The following PITPNC1 variants were observed in gnomAD, a reference collection of about 807,000 sequenced individuals.
PITPNC1 encodes the protein phosphatidylinositol transfer protein cytoplasmic 1.
Under a neutral mutation model 44.7 loss-of-function variants are expected in PITPNC1, and 18 were observed. That is an observed-to-expected ratio of 0.40 (90% CI 0.28 to 0.60). The LOEUF (loss-of-function observed/expected upper bound fraction) is 0.60, where lower values mean the gene tolerates loss of function less well. PITPNC1 is among the 20% of genes least tolerant of loss of function. The pLI, the probability that PITPNC1 is intolerant of heterozygous loss-of-function variation, is 0.39. For missense variants in PITPNC1, 290 were observed against 418.4 expected (o/e 0.69, Z 2.68); for synonymous variants, 141 against 149.6 (o/e 0.94, Z 0.42).
chr17:67,503,957 A>G (rs371835138), intron 1 of PITPNC1, among the ~76,000 whole-genome samples: 9 of 152,036 alleles, frequency 5.9e-5, no homozygotes, highest in Non-Finnish European at 1.0e-4. Context: ...TTATTTTGCA[A>G]CCTTTTGGAT....
At chr17:67,574,475 G>T (rs1044507313) in intron 4 of PITPNC1, among the ~76,000 whole-genome samples, 1 of 152,148 alleles carries the variant, frequency 6.6e-6, no homozygotes, top group Non-Finnish European at 1.5e-5. Flanking sequence ...GGGGAGAAAG[G>T]GTGAAGCCAG....
rs549079404 is a variant in PITPNC1, at chr17:67,632,432, G to C, written c.462+194G>C. ...TCTTCAGGGACCATCATTGGCCCTG[G>C]CTGTTACTCAATCTCCACTTAGTTT... is the stretch of plus-strand genomic sequence containing the variant. On this transcript the variant is annotated intron_variant, in intron 6 of 8. Transcript: ENST00000581322. 2.7e-5 allele frequency: 16 copies of C among 584,202 alleles called. No individual in the cohort carries two copies. The Admixed American group carries it at 3.7e-4, about 14-fold the overall frequency. The allele number at this position is 584,202 out of a possible 1,614,324, so 36.2% of individuals were successfully genotyped here.
intron 4 of PITPNC1, among the ~76,000 whole-genome samples, chr17:67,554,353 G>A (rs1052952923): frequency 6.6e-6 from 1 of 151,384 alleles, no homozygotes; most frequent in African/African-American, 2.4e-5. Flanking sequence ...CACCTACCGG[G>A]TTCAAGCAAT....
chr17:67,477,557 TTTTATTTA>T (rs1437245933), intron 1 of PITPNC1, among the ~76,000 whole-genome samples: 1 of 143,306 alleles, frequency 7.0e-6, no homozygotes, highest in African/African-American at 2.4e-5. Context: ...CCCAGCTCAT[TTTTATTTA>T]TTTATTTATT....
At chr17:67,639,132 A>AAAGAAAAGAAAAAAGAG (rs1159327642) in intron 6 of PITPNC1, among the ~76,000 whole-genome samples, 1 of 152,104 alleles carries the variant, frequency 6.6e-6, no homozygotes, top group African/African-American at 2.4e-5. Flanking sequence ...CTAAAAAAGA[A>AAAGAAAAGAAAAAAGAG]AAGAAAAGAA....
chr17:67,522,454 T>C (rs1003142306), intron 1 of PITPNC1, among the ~76,000 whole-genome samples: 1 of 152,104 alleles, frequency 6.6e-6, no homozygotes, highest in Non-Finnish European at 1.5e-5. Context: ...TCAATACCTT[T>C]CAGGAAGCTT....
intron 5 of PITPNC1, among the ~76,000 whole-genome samples, chr17:67,583,897 TTGTG>T (rs140251630): frequency 0.04 from 4,250 of 106,408 alleles, 147 homozygotes; most frequent in East Asian, 0.22. Context: ...GTGTGTGTGT[TTGTG>T]TGTGTGTGTG....
intron 6 of PITPNC1, among the ~76,000 whole-genome samples, chr17:67,646,066 A>C (rs571489030): frequency 1.3e-5 from 2 of 152,248 alleles, no homozygotes; most frequent in Non-Finnish European, 2.9e-5. Context: ...TGGATGTTGC[A>C]GTGAGCCGAG....
intron 1 of PITPNC1, among the ~76,000 whole-genome samples, chr17:67,452,649 C>T (rs376090302): frequency 1.3e-4 from 20 of 151,900 alleles, no homozygotes; most frequent in African/African-American, 3.9e-4. Flanking sequence ...TGCGCCACCA[C>T]GCCCAGCTAA....
chr17:67,409,832 C>G (rs536945360), intron 1 of PITPNC1, among the ~76,000 whole-genome samples: 21 of 152,336 alleles, frequency 1.4e-4, no homozygotes, highest in African/African-American at 4.8e-4. Flanking sequence ...GCCACTGTGC[C>G]TGGCCCACAT....
At chr17:67,499,972 A>AG (rs2040005087) in intron 1 of PITPNC1, among the ~76,000 whole-genome samples, 2 of 152,244 alleles carry the variant, frequency 1.3e-5, no homozygotes. Flanking sequence ...TTTTAAATAA[A>AG]TGCATATACT....
chr17:67,482,012 A>G (rs892301), intron 1 of PITPNC1, among the ~76,000 whole-genome samples: 57,972 of 152,050 alleles, frequency 0.38, 11,181 homozygotes, highest in African/African-American at 0.42. Context: ...TTTGGAAGAA[A>G]TAAAACTATT....
intron 6 of PITPNC1, among the ~76,000 whole-genome samples, chr17:67,633,027 C>G (rs1459921978): frequency 6.6e-6 from 1 of 152,172 alleles, no homozygotes; most frequent in Non-Finnish European, 1.5e-5. Context: ...TACCAGGATC[C>G]ATCCTTTGCC....
chr17:67,599,023 TA>T (rs1568059341), intron 5 of PITPNC1, among the ~76,000 whole-genome samples: 206 of 35,114 alleles, frequency 5.9e-3, no homozygotes, highest in African/African-American at 0.018. Flanking sequence ...TATATATATA[TA>T]TATATATATA....
In PITPNC1 at chr17:67,693,878, A is replaced by G. The variant is rs1022674740; in HGVS notation, c.*990A>G. The G allele has an allele frequency of 5.9e-5, 9 of 152,224 alleles. No individual in the cohort carries two copies. Among genetic ancestry groups the G allele is most frequent in the African/African-American group, 2.2e-4 (9 of 41,466 alleles). The allele number at this position is 152,224 out of a possible 1,614,324, so 9.4% of individuals were successfully genotyped here. A position where few individuals can be genotyped will look rare whatever the true frequency, so the allele number is the denominator to read the frequency against. Reference sequence around the variant, plus strand: ...CCATCCCCTTCCTTGTTTTACTCTTAGTAACATCCAGAATTCCCTGGAACA... The same window carrying G: ...CCATCCCCTTCCTTGTTTTACTCTTGGTAACATCCAGAATTCCCTGGAACA... On this transcript the variant is annotated 3_prime_UTR_variant, in exon 9 of 9. Transcript: ENST00000581322.
chr17:67,482,343 G>T (rs2039715732), intron 1 of PITPNC1, among the ~76,000 whole-genome samples: 1 of 152,160 alleles, frequency 6.6e-6, no homozygotes, highest in Admixed American at 6.5e-5. Context: ...AAACCAAAAA[G>T]CATAGAGAGT....
chr17:67,456,766 G>A (rs1055760002), intron 1 of PITPNC1, among the ~76,000 whole-genome samples: 4 of 151,750 alleles, frequency 2.6e-5, no homozygotes, highest in African/African-American at 7.3e-5. Context: ...GTCTTTACTC[G>A]TCTTTCTAAG....
intron 5 of PITPNC1, among the ~76,000 whole-genome samples, chr17:67,595,920 A>G (rs575940755): frequency 3.3e-5 from 5 of 152,344 alleles, no homozygotes; most frequent in African/African-American, 9.6e-5. Context: ...AGTAATTTTA[A>G]TTATCTTTAG....
intron 1 of PITPNC1, among the ~76,000 whole-genome samples, chr17:67,501,109 G>A (rs900061505): frequency 1.3e-5 from 2 of 152,048 alleles, no homozygotes; most frequent in African/African-American, 4.8e-5. Flanking sequence ...TGTAAACATT[G>A]CCCACTGCAG....
Sources: allele counts gnomAD v4.1 joint callset (sites outside exome capture counted in the v4.1 genomes callset), GRCh38; gene constraint gnomAD v4.1.1; transcripts MANE v1.5; gene names NCBI Gene and HGNC (gene_info 2026-07-23, HGNC 2026-07-21).